PRKCQ: variants seen among roughly 807,000 people sequenced by gnomAD.
PRKCQ encodes protein kinase C theta.
In PRKCQ, 41 loss-of-function variants were observed where a neutral mutation model predicts 91.2. The observed-to-expected ratio is 0.45, with a 90% CI of 0.35 to 0.58. The LOEUF (loss-of-function observed/expected upper bound fraction) is 0.58. Ranked by LOEUF, PRKCQ falls within the 20% of genes least tolerant of loss-of-function variation. The pLI, the probability that PRKCQ is intolerant of heterozygous loss-of-function variation, is 0.00. For missense variants in PRKCQ, 673 were observed against 896.5 expected (o/e 0.75, Z 3.18); for synonymous variants, 307 against 316.9 (o/e 0.97, Z 0.33).
intron 1 of PRKCQ, among the ~76,000 whole-genome samples, chr10:6,572,284 T>C (rs924153142): frequency 3.8e-5 from 4 of 105,870 alleles, no homozygotes; most frequent in African/African-American, 5.3e-5. Context: ...GTTTGTTACA[T>C]GGGTAAACGT....
chr10:6,552,923 T>C (rs1345688227), intron 1 of PRKCQ, among the ~76,000 whole-genome samples: 1 of 152,144 alleles, frequency 6.6e-6, no homozygotes, highest in East Asian at 1.9e-4. Context: ...AATGAAAACC[T>C]ATCATGTAAT....
chr10:6,484,551 A>G (rs921637420), intron 10 of PRKCQ, among the ~76,000 whole-genome samples: 4 of 152,250 alleles, frequency 2.6e-5, no homozygotes, highest in African/African-American at 9.6e-5. Context: ...CAGAGAAAAC[A>G]TAAGAGAAAT....
At chr10:6,475,526 T>C (rs999623282) in intron 12 of PRKCQ, among the ~76,000 whole-genome samples, 1 of 152,164 alleles carries the variant, frequency 6.6e-6, no homozygotes, top group Non-Finnish European at 1.5e-5. Context: ...GTCCTCAGAA[T>C]CTCCTGAATA....
At chr10:6,560,581 T>C (rs1840591039) in intron 1 of PRKCQ, among the ~76,000 whole-genome samples, 1 of 152,224 alleles carries the variant, frequency 6.6e-6, no homozygotes, top group African/African-American at 2.4e-5. Flanking sequence ...TTCGTGGCTA[T>C]TCTAATTTTT....
intron 1 of PRKCQ, among the ~76,000 whole-genome samples, chr10:6,544,100 G>C (rs1035970341): frequency 6.6e-6 from 1 of 152,130 alleles, no homozygotes; most frequent in African/African-American, 2.4e-5. Context: ...CTTTTGAAGA[G>C]CTCTCAGGAA....
intron 14 of PRKCQ, among the ~76,000 whole-genome samples, chr10:6,461,558 T>C (rs1255156507): frequency 6.6e-6 from 1 of 152,222 alleles, no homozygotes; most frequent in Non-Finnish European, 1.5e-5. Context: ...TCTAAGCCTT[T>C]AGTTGTGTGA....
chr10:6,429,526 C>T (rs540305108), intron 17 of PRKCQ, among the ~76,000 whole-genome samples: 3 of 152,138 alleles, frequency 2.0e-5, no homozygotes, highest in Admixed American at 6.5e-5. Context: ...ATAGCCTGTG[C>T]GTTCTCTGGG....
intron 1 of PRKCQ, among the ~76,000 whole-genome samples, chr10:6,568,083 CAA>C: frequency 6.6e-6 from 1 of 152,128 alleles, no homozygotes; most frequent in South Asian, 2.1e-4. Context: ...GCTAAAAATA[CAA>C]AAGTTATCCA....
rs146117002 is a variant in PRKCQ, at chr10:6,579,899, C to A, written c.-10+312G>T. Reference sequence around the variant, plus strand: ...TTCCACCTTCTTCCCTCCCCGCAGGCCCCCTTTCGTTCAGGTGAGAAGGAA... The same window carrying A: ...TTCCACCTTCTTCCCTCCCCGCAGGACCCCTTTCGTTCAGGTGAGAAGGAA... On this transcript the variant is annotated intron_variant, in intron 1 of 17. Coordinates refer to ENST00000263125, the MANE Select transcript of PRKCQ (RefSeq NM_006257.5). 2.6e-3 allele frequency among the ~76,000 whole-genome samples: 392 copies of A among 151,570 alleles called. 15 individuals are homozygous for A. The East Asian group carries it at 0.045, about 17-fold the overall frequency.
downstream of PRKCQ, among the ~76,000 whole-genome samples, chr10:6,425,166 C>T (rs1178861902): frequency 6.6e-6 from 1 of 152,072 alleles, no homozygotes; most frequent in African/African-American, 2.4e-5. Context: ...TTCAAGTCTC[C>T]ACTGGTCAAC....
At chr10:6,521,936 T>TATTTATTTATTTATTC (rs1554778608) in intron 1 of PRKCQ, among the ~76,000 whole-genome samples, 191 of 151,258 alleles carry the variant, frequency 1.3e-3, no homozygotes, top group South Asian at 2.1e-3. Flanking sequence ...TTTATTTATT[T>TATTTATTTATTTATTC]ATTTATTTAT....
chr10:6,447,869 T>C (rs2132279201), intron 15 of PRKCQ, among the ~76,000 whole-genome samples: 1 of 152,286 alleles, frequency 6.6e-6, no homozygotes. Flanking sequence ...CAGCATCGAC[T>C]TAGAATCACA....
chr10:6,574,027 G>A lies in PRKCQ; in HGVS notation c.-10+6184C>T, dbSNP rs138750262. Among the ~76,000 whole-genome samples the A allele has an allele frequency of 4.0e-3, 610 of 152,322 alleles. 4 individuals carry two copies. Among genetic ancestry groups the A allele is most frequent in the Non-Finnish European group, 6.9e-3 (472 of 68,030 alleles). On this transcript the variant is annotated intron_variant, in intron 1 of 17. Coordinates refer to ENST00000263125, the MANE Select transcript of PRKCQ (RefSeq NM_006257.5). Reference sequence around the variant, plus strand: ...GCTACTCAGGAGGCTGAGGCCGGAGGATCCCTTGAGCCTCAGAGGCGGAGG... The same window carrying A: ...GCTACTCAGGAGGCTGAGGCCGGAGAATCCCTTGAGCCTCAGAGGCGGAGG...
chr10:6,580,502 A>G (rs1316560805), upstream of PRKCQ: 1 of 152,226 alleles, frequency 6.6e-6, no homozygotes, highest in African/African-American at 2.4e-5. Context: ...CCTCCTTACC[A>G]GCCACTTGTC....
intron 1 of PRKCQ, among the ~76,000 whole-genome samples, chr10:6,542,124 G>A (rs901740899): frequency 6.6e-6 from 1 of 152,160 alleles, no homozygotes; most frequent in African/African-American, 2.4e-5. Flanking sequence ...TAAGAGCAAC[G>A]AAGCCAATAC....
chr10:6,464,093 T>C (rs1835502088), intron 13 of PRKCQ, among the ~76,000 whole-genome samples: 1 of 152,174 alleles, frequency 6.6e-6, no homozygotes, highest in Non-Finnish European at 1.5e-5. Flanking sequence ...GATGGTTCCT[T>C]AAGAAACTAA....
the PRKCQ span, among the ~76,000 whole-genome samples, chr10:6,394,309 G>A: frequency 6.6e-6 from 1 of 152,158 alleles, no homozygotes. Flanking sequence ...GACACCTGGC[G>A]CCTCTGCAGT....
At chr10:6,521,458 T>G (rs947126498) in intron 1 of PRKCQ, among the ~76,000 whole-genome samples, 3 of 152,116 alleles carry the variant, frequency 2.0e-5, no homozygotes, top group African/African-American at 7.3e-5. Context: ...TAAGCCTGCT[T>G]TCTCATTTGG....
At chr10:6,543,281 C>G (rs762149762) in intron 1 of PRKCQ, among the ~76,000 whole-genome samples, 10 of 152,232 alleles carry the variant, frequency 6.6e-5, no homozygotes, top group Non-Finnish European at 1.2e-4. Context: ...GTTCGCGGAG[C>G]TGAAAACAAA....
Sources: allele counts gnomAD v4.1 joint callset (sites outside exome capture counted in the v4.1 genomes callset), GRCh38; gene constraint gnomAD v4.1.1; transcripts MANE v1.5; gene names NCBI Gene and HGNC (gene_info 2026-07-23, HGNC 2026-07-21).